NACC2: variants seen among roughly 807,000 people sequenced by gnomAD.
NACC2 encodes the protein nucleus accumbens-associated protein 2.
NACC2 carries 8 observed loss-of-function variants against 25.1 expected under a neutral mutation model. The ratio of observed to expected loss-of-function variants is 0.32; its 90% CI spans 0.19 to 0.57. The LOEUF (loss-of-function observed/expected upper bound fraction) is 0.57, where lower values mean the gene tolerates loss of function less well. NACC2 is among the 20% of genes least tolerant of loss of function. The pLI, the probability that NACC2 is intolerant of heterozygous loss-of-function variation, is 0.89. For synonymous variants in NACC2, 435 were observed against 294.7 expected (o/e 1.48, Z -4.88); for missense variants, 644 against 650.2 (o/e 0.99, Z 0.10).
intron 1 of NACC2, among the ~76,000 whole-genome samples, chr9:136,060,756 T>C (rs891919934): frequency 1.3e-5 from 2 of 152,192 alleles, no homozygotes; most frequent in African/African-American, 4.8e-5. Context: ...AGGGGGACCC[T>C]CAGAGCCCTG....
intron 1 of NACC2, among the ~76,000 whole-genome samples, chr9:136,083,157 G>A (rs1411680489): frequency 6.6e-6 from 1 of 152,230 alleles, no homozygotes; most frequent in Non-Finnish European, 1.5e-5. Flanking sequence ...TGGAGCGGAG[G>A]CTGTTGACAT....
chr9:136,044,846 C>T (rs1485409178), intron 2 of NACC2, among the ~76,000 whole-genome samples: 1 of 152,198 alleles, frequency 6.6e-6, no homozygotes, highest in Non-Finnish European at 1.5e-5. Context: ...CCCTAGCCAG[C>T]AGCCCTGGCC....
intron 1 of NACC2, among the ~76,000 whole-genome samples, chr9:136,092,094 C>T (rs1830439589): frequency 6.6e-6 from 1 of 152,208 alleles, no homozygotes; most frequent in Non-Finnish European, 1.5e-5. Context: ...CAGCTCTGAA[C>T]TGGGGCCCAG....
At chr9:136,064,221 C>T (rs1386914108) in intron 1 of NACC2, among the ~76,000 whole-genome samples, 1 of 152,084 alleles carries the variant, frequency 6.6e-6, no homozygotes, top group Admixed American at 6.6e-5. Context: ...CCCAGGCGAT[C>T]GAGGCTGCAG....
At chr9:136,090,014 C>T (rs1021518291) in intron 1 of NACC2, among the ~76,000 whole-genome samples, 7 of 150,874 alleles carry the variant, frequency 4.6e-5, no homozygotes, top group African/African-American at 1.7e-4. Context: ...CTGCTGACAA[C>T]AAAAAGTATC....
chr9:136,041,629 G>A (rs1840634182), intron 2 of NACC2, among the ~76,000 whole-genome samples: 1 of 152,162 alleles, frequency 6.6e-6, no homozygotes, highest in Non-Finnish European at 1.5e-5. Context: ...TCTGCCAAAT[G>A]CCAAGGGGTT....
intron 1 of NACC2, among the ~76,000 whole-genome samples, chr9:136,059,907 C>A (rs1287662063): frequency 6.6e-6 from 1 of 152,234 alleles, no homozygotes. Flanking sequence ...CCAAGACCCA[C>A]CCCGATGTCC....
In NACC2 at chr9:136,011,612, TG is replaced by T; in HGVS notation, c.1667del (p.Pro556HisfsTer45). 1 of 1,429,696 alleles carries T rather than the reference TG, an allele frequency of 7.0e-7. No individual in the cohort carries two copies. The allele number at this position is 1,429,696 out of a possible 1,614,324, so 88.6% of individuals were successfully genotyped here. On this transcript the variant is annotated frameshift_variant, in exon 6 of 6. Transcript: ENST00000277554. LOFTEE classifies it high-confidence loss of function. ...EPLPADGQSPPQPFEQGGGGP... is the reference protein window; with the variant it reads ...EPLPADGQSPXQPFEQGGGGP... ...CGCCCCCGCCCTGCTCAAAGGGCTG[TG>T]GGGGGCTCTGGCCATCGGCGGGCAG...
At chr9:136,021,488 G>A (rs1243403964) in intron 2 of NACC2, among the ~76,000 whole-genome samples, 1 of 152,244 alleles carries the variant, frequency 6.6e-6, no homozygotes, top group East Asian at 1.9e-4. Flanking sequence ...GGGCAGCTGG[G>A]ACGTCCTGAC....
chr9:136,011,481 A>C lies in NACC2; in HGVS notation c.*35T>G. 7.4e-7 allele frequency: 1 copy of C among 1,349,062 alleles called. No homozygotes were observed. The highest frequency in any genetic ancestry group is 9.5e-7 in the Non-Finnish European group (1 of 1,051,888). The allele number at this position is 1,349,062 out of a possible 1,614,324, so 83.6% of individuals were successfully genotyped here. On this transcript the variant is annotated 3_prime_UTR_variant, in exon 6 of 6. Transcript: ENST00000277554. Reference sequence around the variant, plus strand: ...ATTAGTAACGCATGCAAGCAGCTCTAGTACTCGGTCCCTCGCGCAGCCACC... The same window carrying C: ...ATTAGTAACGCATGCAAGCAGCTCTCGTACTCGGTCCCTCGCGCAGCCACC...
intron 2 of NACC2, among the ~76,000 whole-genome samples, chr9:136,042,661 A>C (rs548410880): frequency 8.2e-4 from 123 of 150,852 alleles, no homozygotes; most frequent in African/African-American, 2.9e-3. Flanking sequence ...CACACACAGA[A>C]ACACACACAG....
chr9:136,014,457 C>T (rs1362817970), intron 3 of NACC2, among the ~76,000 whole-genome samples: 2 of 152,168 alleles, frequency 1.3e-5, no homozygotes, highest in African/African-American at 4.8e-5. Context: ...GGCGCCACCA[C>T]CATGCCCAGT....
intron 2 of NACC2, among the ~76,000 whole-genome samples, chr9:136,040,102 T>A (rs1246788829): frequency 6.6e-6 from 1 of 152,118 alleles, no homozygotes; most frequent in Non-Finnish European, 1.5e-5. Flanking sequence ...TCCCAGCACT[T>A]TGGGAGGCTG....
At chr9:136,078,797 T>A (rs923452155) in intron 1 of NACC2, among the ~76,000 whole-genome samples, 1 of 152,192 alleles carries the variant, frequency 6.6e-6, no homozygotes, top group Non-Finnish European at 1.5e-5. Context: ...TGGTCCCCAG[T>A]AAGCACCCCC....
intron 2 of NACC2, among the ~76,000 whole-genome samples, chr9:136,039,034 C>T (rs879009890): frequency 0.16 from 23,771 of 152,208 alleles, 2,202 homozygotes; most frequent in East Asian, 0.34. Context: ...AAAAGGCAGA[C>T]TGTTAGACTG....
Position 136,008,038 on chromosome 9 carries a change from G to A in NACC2, c.*3478C>T, listed in dbSNP as rs1447441184. 2.0e-5 allele frequency: 3 copies of A among 152,228 alleles called. No homozygotes were observed. Among genetic ancestry groups the A allele is most frequent in the African/African-American group, 4.8e-5 (2 of 41,446 alleles). 9.4% of individuals were successfully genotyped at this position (152,228 alleles called of 1,614,324 possible). A position where few individuals can be genotyped will look rare whatever the true frequency, so the allele number is the denominator to read the frequency against. On this transcript the variant is annotated 3_prime_UTR_variant, in exon 6 of 6. Coordinates refer to ENST00000277554, the MANE Select transcript of NACC2 (RefSeq NM_144653.5). ...CCGGCTCCTATGTTCTAGGAGCCCC[G>A]ACCCGCAGTCACCAACGCCGGCACC...
chr9:136,062,458 C>T (rs1052508831), intron 1 of NACC2, among the ~76,000 whole-genome samples: 4 of 152,162 alleles, frequency 2.6e-5, no homozygotes, highest in Non-Finnish European at 5.9e-5. Context: ...CAGTTTTAGA[C>T]CTTGTCTAGC....
intron 1 of NACC2, among the ~76,000 whole-genome samples, chr9:136,085,391 C>T (rs1368505327): frequency 2.0e-5 from 3 of 151,268 alleles, no homozygotes; most frequent in Non-Finnish European, 4.4e-5. Flanking sequence ...TGGGGATCCA[C>T]ACCTATAGTC....
intron 1 of NACC2, among the ~76,000 whole-genome samples, chr9:136,052,211 A>G (rs1840855843): frequency 6.6e-6 from 1 of 152,230 alleles, no homozygotes; most frequent in African/African-American, 2.4e-5. Context: ...AATGCAAACA[A>G]AGATGGCAGA....
Sources: gnomAD v4.1 joint callset for allele counts (sites outside exome capture counted in the v4.1 genomes callset) on GRCh38, gnomAD v4.1.1 for gene constraint, MANE v1.5 for transcripts, NCBI Gene and HGNC (gene_info 2026-07-23, HGNC 2026-07-21) for gene names.